Variants in SZT2 observed in about 807,000 individuals in gnomAD.
SZT2 encodes KICSTOR complex protein SZT2.
SZT2 carries 216 observed loss-of-function variants against 404.2 expected under a neutral mutation model. The ratio of observed to expected loss-of-function variants is 0.53; its 90% CI spans 0.48 to 0.60. The LOEUF (loss-of-function observed/expected upper bound fraction) is 0.60. Ranked by LOEUF, SZT2 falls within the 20% of genes least tolerant of loss-of-function variation. SZT2 has a pLI of 0.00. For missense variants in SZT2, 3,857 were observed against 4,459.2 expected, an observed-to-expected ratio of 0.86 and a Z score of 3.85; for synonymous variants, 1,693 against 1,749.9, an observed-to-expected ratio of 0.97 and a Z score of 0.81.
chr1:43,407,690 A>T (rs757586754), intron 4 of SZT2, among the ~76,000 whole-genome samples: 14 of 152,102 alleles, frequency 9.2e-5, no homozygotes, highest in Non-Finnish European at 1.8e-4. Flanking sequence ...CACATATATA[A>T]TACATGTCCA....
chr1:43,447,312 T>A (rs1655794363), intron 66 of SZT2, 144 bp downstream of exon 66: 1 of 1,133,582 alleles, frequency 8.8e-7, no homozygotes, highest in Non-Finnish European at 1.2e-6. Context: ...TCCCCATGTT[T>A]CTGTCCTGTG....
intron 36 of SZT2, 151 bp from the exon 37 acceptor site, chr1:43,432,121 G>A (rs761845664): frequency 2.4e-4 from 259 of 1,098,968 alleles, no homozygotes; most frequent in Non-Finnish European, 3.2e-4. Flanking sequence ...TTGAACCTTA[G>A]GCAAGTCACT....
intron 40 of SZT2, among the ~76,000 whole-genome samples, chr1:43,433,400 T>C (rs1654134304): frequency 6.6e-6 from 1 of 152,144 alleles, no homozygotes; most frequent in South Asian, 2.1e-4. Context: ...TAGATGAGAG[T>C]CGAAAAGCTG....
At position 43,415,195 on chromosome 1, in the gene SZT2, G is replaced by C. The variant is rs762612615; in HGVS notation, c.612G>C (p.Gln204His). 8.1e-6 allele frequency: 13 copies of C among 1,597,900 alleles called. No homozygotes were observed. The highest frequency in any genetic ancestry group is 1.1e-5 in the Non-Finnish European group (13 of 1,179,564). Reference sequence around the variant, plus strand: ...AGGTGGCCACCATGCTGCAGCAGCAGTACGATCCCCAGAGCCAGGTATGTA... The same window carrying C: ...AGGTGGCCACCATGCTGCAGCAGCACTACGATCCCCAGAGCCAGGTATGTA... ...EDKVATMLQQ[Q>H]YDPQSQAEDQ... The change falls in exon 5 of 72, where the codon CAG becomes CAC. Residue 204 changes from glutamine to histidine, a missense_variant. Physicochemically the swap from Gln to His is conservative, Grantham distance 24. Coordinates refer to ENST00000634258, the MANE Select transcript of SZT2 (RefSeq NM_001365999.1).
In SZT2 at chr1:43,419,738, G is replaced by C. The variant is rs1557539318; in HGVS notation, c.884G>C (p.Gly295Ala). ...GTVACSFVQVGGVYSYDCSFG... is the reference protein window; with the variant it reads ...GTVACSFVQVAGVYSYDCSFG... ...TCAGTTGCTCACTTTTTCCAGGTGGGAGGAGTTTACTCTTATGACTGCAGT... is the reference window on the plus strand; with the variant it reads ...TCAGTTGCTCACTTTTTCCAGGTGGCAGGAGTTTACTCTTATGACTGCAGT... The change falls in exon 8 of 72, where the codon GGA becomes GCA. Residue 295 changes from glycine (G) to alanine (A), a missense_variant. Physicochemically the swap from Gly to Ala is moderately conservative, Grantham distance 60. Transcript: ENST00000634258. 6.3e-7 allele frequency: 1 copy of C among 1,597,740 alleles called. No homozygotes were observed. Among genetic ancestry groups the C allele is most frequent in the South Asian group, 1.1e-5 (1 of 90,970 alleles).
In SZT2 at chr1:43,426,517, C is replaced by T. The variant is rs912557989; in HGVS notation, c.3193C>T (p.Arg1065Trp). The T allele has an allele frequency of 5.7e-6, 9 of 1,588,364 alleles. No individual in the cohort carries two copies. Among genetic ancestry groups the T allele is most frequent in the African/African-American group, 2.7e-5 (2 of 74,622 alleles). The change falls in exon 22 of 72, where the codon CGG becomes TGG. Residue 1065 changes from arginine (R) to tryptophan (W), a missense_variant. This residue lies in a region of SZT2 where 1,725 missense variants were observed against 1,881.0 expected (regional missense o/e 0.92). Transcript: ENST00000634258. The surrounding 1 kb of genome is among the most constrained non-coding windows in gnomAD (Gnocchi z 4.9). ...DQAAFLSEVL[R>W]RTCHVPGAEG... is the part of the protein sequence containing the mutation. The stretch of plus-strand genomic sequence containing the variant: ...GGCTGCCTTCTTGAGTGAGGTGCTG[C>T]GGCGGACCTGCCACGTTCCAGGTGA...
In SZT2 at chr1:43,424,935, G is replaced by T; in HGVS notation, c.2550+73G>T. 1.3e-6 allele frequency: 2 copies of T among 1,551,206 alleles called. No homozygotes were observed. The highest frequency in any genetic ancestry group is 2.3e-5 in the East Asian group (1 of 44,428). The stretch of plus-strand genomic sequence containing the variant: ...CCCAGGGACACTCACCTCTGAGCTG[G>T]GTTGGGACTGCTGGAAACTGCCTCA... On this transcript the variant is annotated intron_variant, in intron 17 of 71. Transcript: ENST00000634258. This position sits in a 1 kb window ranked among gnomAD's most constrained non-coding sequence, Gnocchi z 4.1.
Position 43,435,195 on chromosome 1 carries a change from C to T in SZT2, c.5905-5C>T. The T allele has an allele frequency of 6.2e-7, 1 of 1,614,054 alleles. No individual in the cohort carries two copies. The highest frequency in any genetic ancestry group is 8.5e-7 in the Non-Finnish European group (1 of 1,179,900). On this transcript the variant is annotated splice_region_variant and splice_polypyrimidine_tract_variant and intron_variant, in intron 41 of 71. Coordinates refer to ENST00000634258, the MANE Select transcript of SZT2 (RefSeq NM_001365999.1). The stretch of plus-strand genomic sequence containing the variant: ...AGTTCCCTGACCTCATGCTCCTTCT[C>T]CCAGCGACTGCTTCTTCAAGACCTT...
At position 43,430,660 on chromosome 1, in the gene SZT2, G is replaced by A. The variant is rs1236244893; in HGVS notation, c.4645G>A (p.Gly1549Ser). ...PDEDSFSILGGDSPTGPESFL... is the reference protein window; with the variant it reads ...PDEDSFSILGSDSPTGPESFL... ...TGAAGACTCCTTCAGTATCTTGGGG[G>A]GCGACTCACCCACTGGGCCTGAGAG... Residue 1549 changes from glycine to serine, a missense_variant, in exon 32 of 72, where the codon GGC (glycine) becomes AGC (serine). Gly to Ser is a moderately conservative substitution (Grantham distance 56). This residue lies in a region of SZT2 where 1,725 missense variants were observed against 1,881.0 expected (regional missense o/e 0.92). Coordinates refer to ENST00000634258, the MANE Select transcript of SZT2 (RefSeq NM_001365999.1). 6.2e-7 allele frequency: 1 copy of A among 1,614,142 alleles called. No individual in the cohort carries two copies. Among genetic ancestry groups the A allele is most frequent in the Non-Finnish European group, 8.5e-7 (1 of 1,180,038 alleles).
intron 1 of SZT2, among the ~76,000 whole-genome samples, chr1:43,390,305 G>A (rs1648133009): frequency 6.6e-6 from 1 of 152,220 alleles, no homozygotes. Flanking sequence ...TTCTGTTGCA[G>A]TTTCAATGGG....
chr1:43,428,983 G>A, intron 28 of SZT2: 1 of 163,708 alleles, frequency 6.1e-6, no homozygotes, highest in Non-Finnish European at 1.4e-5. Context: ...TTAGCGTTGG[G>A]GAAACAGAAG....
chr1:43,404,347 G>A, intron 3 of SZT2, 33 bp from the exon 4 acceptor site: 1 of 1,588,974 alleles, frequency 6.3e-7, no homozygotes, highest in Middle Eastern at 2.0e-4. Context: ...GGCTGCCTTT[G>A]GACCCCCTTG....
Position 43,435,271 on chromosome 1 carries a change from T to A in SZT2, c.5976T>A (p.Asp1992Glu), listed in dbSNP as rs746260739. 8 of 1,614,182 alleles carry A rather than the reference T, an allele frequency of 5.0e-6. No individual in the cohort carries two copies. The Admixed American group carries it at 1.0e-4, about 20-fold the overall frequency. ...NSLLVAESEE[D>E]LWRSETPFHS... The stretch of plus-strand genomic sequence containing the variant: ...TTCTGGTGGCCGAGAGTGAAGAAGA[T>A]CTGTGGCGCAGTGAGACTCCCTTCC... The change falls in exon 42 of 72, where the codon GAT (aspartate) becomes GAA (glutamate). Residue 1992 changes from aspartate to glutamate, a missense_variant. Transcript: ENST00000634258.
Position 43,425,222 on chromosome 1 carries a change from C to G in SZT2, c.2645+15C>G. 6.2e-7 allele frequency: 1 copy of G among 1,613,846 alleles called. No individual in the cohort carries two copies. Reference sequence around the variant, plus strand: ...ACCAAAGACAGGTGAGACAGGCCATCTGTGAGGGCCGCCTCTGCAGAGTCA... The same window carrying G: ...ACCAAAGACAGGTGAGACAGGCCATGTGTGAGGGCCGCCTCTGCAGAGTCA... On this transcript the variant is annotated intron_variant, in intron 18 of 71. Transcript: ENST00000634258. The surrounding 1 kb of genome is among the most constrained non-coding windows in gnomAD (Gnocchi z 4.3).
At position 43,452,226 on chromosome 1, in the gene SZT2, A is replaced by C; in HGVS notation, c.*1746A>C. ...TCACCTGAGCCAAAACCCCAGCTGC[A>C]TGCCTCAGGTTCTCCAGAAAAACGG... is the stretch of plus-strand genomic sequence containing the variant. On this transcript the variant is annotated 3_prime_UTR_variant, in exon 72 of 72. Coordinates refer to ENST00000634258, the MANE Select transcript of SZT2 (RefSeq NM_001365999.1). The C allele has an allele frequency of 6.2e-7, 1 of 1,613,556 alleles. No homozygotes were observed. Among genetic ancestry groups the C allele is most frequent in the Non-Finnish European group, 8.5e-7 (1 of 1,179,686 alleles).
At chr1:43,394,115 C>T in intron 1 of SZT2, 5 of 981,918 alleles carry the variant, frequency 5.1e-6, no homozygotes, top group African/African-American at 1.7e-5. Flanking sequence ...AGTGTGGATG[C>T]TCTGAGAACT....
At chr1:43,409,024 G>C (rs1157629431) in intron 4 of SZT2, among the ~76,000 whole-genome samples, 2 of 152,180 alleles carry the variant, frequency 1.3e-5, no homozygotes, top group African/African-American at 4.8e-5. Flanking sequence ...TACAATTTTA[G>C]GATGGGGATA....
rs1230011598 is a variant in SZT2 at position 43,424,931 on chromosome 1, G to A, written c.2550+69G>A. ...TAATCCCAGGGACACTCACCTCTGA[G>A]CTGGGTTGGGACTGCTGGAAACTGC... is the stretch of plus-strand genomic sequence containing the variant. On this transcript the variant is annotated intron_variant, in intron 17 of 71. Transcript: ENST00000634258. This position sits in a 1 kb window ranked among gnomAD's most constrained non-coding sequence, Gnocchi z 4.1. The A allele has an allele frequency of 2.6e-6, 4 of 1,560,220 alleles. No homozygotes were observed. Among genetic ancestry groups the A allele is most frequent in the African/African-American group, 2.7e-5 (2 of 73,918 alleles).
chr1:43,427,822 A>G (rs1653365654), intron 26 of SZT2, 88 bp downstream of exon 26: 10 of 1,488,106 alleles, frequency 6.7e-6, no homozygotes, highest in South Asian at 5.0e-5. Context: ...GTGGGCAGGT[A>G]AGTTGCTGCC....
Sources: gnomAD v4.1 joint callset for allele counts (sites outside exome capture counted in the v4.1 genomes callset) on GRCh38, gnomAD v4.1.1 for gene constraint, gnomAD v4.1.1 regional missense constraint, Gnocchi (gnomAD v3.1) non-coding constraint, MANE v1.5 for transcripts, NCBI Gene and HGNC (gene_info 2026-07-23, HGNC 2026-07-21) for gene names.